The following RPS6KC1 variants were observed in gnomAD, a reference collection of about 807,000 sequenced individuals.
RPS6KC1 encodes ribosomal protein S6 kinase C1.
A neutral mutation model predicts 103.8 loss-of-function variants in RPS6KC1; 54 were observed. That is an observed-to-expected ratio of 0.52 (90% CI 0.42 to 0.65). The LOEUF (loss-of-function observed/expected upper bound fraction) is 0.65. Ranked by LOEUF, RPS6KC1 falls within the 30% of genes least tolerant of loss-of-function variation. The pLI is 0.00. For missense variants in RPS6KC1, 1,151 were observed against 1,253.8 expected, an observed-to-expected ratio of 0.92 and a Z score of 1.24; for synonymous variants, 439 against 438.7, an observed-to-expected ratio of 1.00 and a Z score of -0.01.
At chr1:213,592,312 A>G in the RPS6KC1 span, among the ~76,000 whole-genome samples, 1 of 152,248 alleles carries the variant, frequency 6.6e-6, no homozygotes, top group Non-Finnish European at 1.5e-5. Flanking sequence ...TTAAATGGAA[A>G]GCATTAAAAA....
At chr1:213,600,406 C>T in the RPS6KC1 span, among the ~76,000 whole-genome samples, 3 of 152,152 alleles carry the variant, frequency 2.0e-5, no homozygotes, top group African/African-American at 7.2e-5. Context: ...TTTAAATGAA[C>T]AGAGAGGCAT....
At chr1:213,425,564 C>G in the RPS6KC1 span, among the ~76,000 whole-genome samples, 1 of 152,190 alleles carries the variant, frequency 6.6e-6, no homozygotes, top group Non-Finnish European at 1.5e-5. Context: ...TGATTTCTCT[C>G]AATCAGACTA....
At chr1:213,414,785 A>G in the RPS6KC1 span, among the ~76,000 whole-genome samples, 5 of 139,644 alleles carry the variant, frequency 3.6e-5, no homozygotes, top group Admixed American at 3.6e-4. Flanking sequence ...TAGATGGGTA[A>G]CTGGAAGCAG....
At chr1:213,064,089 C>T (rs907196429) in intron 1 of RPS6KC1, among the ~76,000 whole-genome samples, 3 of 152,150 alleles carry the variant, frequency 2.0e-5, no homozygotes, top group Non-Finnish European at 4.4e-5. Flanking sequence ...CGGAGTTTCA[C>T]TTGGTCACCC....
the RPS6KC1 span, among the ~76,000 whole-genome samples, chr1:213,664,409 GT>G: frequency 3.3e-5 from 5 of 152,262 alleles, no homozygotes; most frequent in East Asian, 3.9e-4. Flanking sequence ...CTGGTCACAT[GT>G]CCATGAAGCT....
At position 213,104,588 on chromosome 1, in the gene RPS6KC1, A is replaced by G; in HGVS notation, c.378+19A>G. On this transcript the variant is annotated intron_variant, in intron 4 of 14. Coordinates refer to ENST00000366960, the MANE Select transcript of RPS6KC1 (RefSeq NM_012424.6). ...TTTCAAGGTTTGGTAGTCTTTCTGG[A>G]ATATTTTATATCTTATTAAATACTT... The G allele has an allele frequency of 7.6e-7, 1 of 1,308,852 alleles. No individual in the cohort carries two copies. The highest frequency in any genetic ancestry group is 1.1e-6 in the Non-Finnish European group (1 of 922,162). 81.1% of individuals were successfully genotyped at this position (1,308,852 alleles called of 1,614,324 possible). A position where few individuals can be genotyped will look rare whatever the true frequency, so the allele number is the denominator to read the frequency against.
chr1:213,181,308 G>A (rs1489038966), intron 8 of RPS6KC1, among the ~76,000 whole-genome samples: 6 of 152,306 alleles, frequency 3.9e-5, no homozygotes, highest in African/African-American at 1.4e-4. Context: ...GCAAGTCATC[G>A]TTATAAGAGA....
the RPS6KC1 span, among the ~76,000 whole-genome samples, chr1:213,607,341 T>C: frequency 6.6e-6 from 1 of 152,160 alleles, no homozygotes; most frequent in Admixed American, 6.5e-5. Context: ...CAATATAGTC[T>C]TAGAGTAATA....
the RPS6KC1 span, among the ~76,000 whole-genome samples, chr1:213,613,566 G>A: frequency 2.6e-5 from 4 of 152,160 alleles, no homozygotes; most frequent in Non-Finnish European, 5.9e-5. Context: ...ACCATAATTG[G>A]CAGTGTCCAG....
At chr1:213,419,665 G>C in the RPS6KC1 span, among the ~76,000 whole-genome samples, 8 of 152,196 alleles carry the variant, frequency 5.3e-5, no homozygotes, top group African/African-American at 1.9e-4. Flanking sequence ...GGGGTCAGGG[G>C]CAAAAACTAT....
At chr1:213,115,647 G>C (rs1240579705) in intron 4 of RPS6KC1, among the ~76,000 whole-genome samples, 1 of 150,976 alleles carries the variant, frequency 6.6e-6, no homozygotes, top group Non-Finnish European at 1.5e-5. Flanking sequence ...TGTGATGTTA[G>C]GGTGTCAATT....
chr1:213,124,921 T>G (rs1474466680), intron 5 of RPS6KC1, among the ~76,000 whole-genome samples: 1 of 152,142 alleles, frequency 6.6e-6, no homozygotes, highest in Non-Finnish European at 1.5e-5. Flanking sequence ...TTGCCTGCTT[T>G]AAACAGATCT....
chr1:213,616,542 T>C, the RPS6KC1 span, among the ~76,000 whole-genome samples: 2 of 152,176 alleles, frequency 1.3e-5, no homozygotes, highest in Non-Finnish European at 2.9e-5. Flanking sequence ...CTGAGCATGG[T>C]GGTACATTCC....
At chr1:213,699,429 TA>T in the RPS6KC1 span, among the ~76,000 whole-genome samples, 1 of 152,128 alleles carries the variant, frequency 6.6e-6, no homozygotes, top group Non-Finnish European at 1.5e-5. Context: ...CCGTTGTGTA[TA>T]AGTACATTTT....
chr1:213,359,158 T>C, the RPS6KC1 span, among the ~76,000 whole-genome samples: 1 of 152,330 alleles, frequency 6.6e-6, no homozygotes, highest in African/African-American at 2.4e-5. Flanking sequence ...CAGTGGGGTG[T>C]TAAAGTCTCC....
At chr1:213,475,416 C>T in the RPS6KC1 span, among the ~76,000 whole-genome samples, 1 of 152,152 alleles carries the variant, frequency 6.6e-6, no homozygotes, top group South Asian at 2.1e-4. Flanking sequence ...TGCATTGAAA[C>T]ATCTATAGCT....
At chr1:213,666,849 C>T in the RPS6KC1 span, among the ~76,000 whole-genome samples, 5 of 152,252 alleles carry the variant, frequency 3.3e-5, no homozygotes, top group Non-Finnish European at 2.9e-5. Context: ...ACCTGGCCTA[C>T]CAAGCTCTCC....
At chr1:213,612,111 G>C in the RPS6KC1 span, among the ~76,000 whole-genome samples, 3 of 152,324 alleles carry the variant, frequency 2.0e-5, no homozygotes, top group Non-Finnish European at 4.4e-5. Flanking sequence ...AGCATCAGCA[G>C]CACTGGGAAC....
chr1:213,054,998 T>A (rs547071755), intron 1 of RPS6KC1, among the ~76,000 whole-genome samples: 24 of 152,362 alleles, frequency 1.6e-4, no homozygotes, highest in Non-Finnish European at 1.5e-4. Flanking sequence ...TGGCAGTTCT[T>A]GCCTGTATTC....
Sources: allele counts gnomAD v4.1 joint callset (sites outside exome capture counted in the v4.1 genomes callset), GRCh38; gene constraint gnomAD v4.1.1; transcripts MANE v1.5; gene names NCBI Gene and HGNC (gene_info 2026-07-23, HGNC 2026-07-21).